The following GPR149 variants were observed in gnomAD, a reference collection of about 807,000 sequenced individuals.
GPR149 encodes probable G protein-coupled receptor 149.
In GPR149, 50 loss-of-function variants were observed where a neutral mutation model predicts 50.2. That is an observed-to-expected ratio of 1.00 (90% CI 0.79 to 1.26). The LOEUF (loss-of-function observed/expected upper bound fraction) is 1.26. Ranked by LOEUF, GPR149 falls within the 50% of genes most tolerant of loss-of-function variation. The pLI, the probability that GPR149 is intolerant of heterozygous loss-of-function variation, is 0.00. For synonymous variants in GPR149, 405 were observed against 358.2 expected (o/e 1.13, Z -1.48); for missense variants, 983 against 895.4 (o/e 1.10, Z -1.25).
chr3:154,356,868 C>T (rs1050182553), intron 3 of GPR149, among the ~76,000 whole-genome samples: 20 of 152,096 alleles, frequency 1.3e-4, no homozygotes, highest in South Asian at 6.2e-4. Context: ...GGGCCCGCAT[C>T]GCCAAGTCAA....
intron 3 of GPR149, among the ~76,000 whole-genome samples, chr3:154,400,897 A>G (rs1325698191): frequency 6.6e-6 from 1 of 152,246 alleles, no homozygotes; most frequent in Non-Finnish European, 1.5e-5. Flanking sequence ...AACAAAGGAT[A>G]TTAAATATCA....
At chr3:154,390,168 C>T (rs916861108) in intron 3 of GPR149, among the ~76,000 whole-genome samples, 4 of 151,904 alleles carry the variant, frequency 2.6e-5, no homozygotes, top group African/African-American at 7.3e-5. Context: ...ACTGGGAGTG[C>T]GGACATAAAC....
Position 154,378,919 on chromosome 3 carries a change from A to T in GPR149, c.1624-40648T>A, listed in dbSNP as rs1009473644. On this transcript the variant is annotated intron_variant, in intron 3 of 3. Coordinates refer to ENST00000389740, the MANE Select transcript of GPR149 (RefSeq NM_001038705.3). ...GGCTAAATTAGGTTGTCTGGTTTGT[A>T]AGAGTTCTTTATATATTCTGGATAT... 5.3e-5 allele frequency among the ~76,000 whole-genome samples: 8 copies of T among 152,156 alleles called. No individual in the cohort carries two copies. The East Asian group carries it at 1.5e-3, about 29-fold the overall frequency.
intron 3 of GPR149, among the ~76,000 whole-genome samples, chr3:154,418,001 G>A (rs540368003): frequency 5.8e-4 from 88 of 151,082 alleles, no homozygotes; most frequent in African/African-American, 1.8e-3. Context: ...AAAAGTGGGC[G>A]AAGGACATGA....
chr3:154,402,304 A>G (rs900513189), intron 3 of GPR149, among the ~76,000 whole-genome samples: 3 of 151,888 alleles, frequency 2.0e-5, no homozygotes, highest in Non-Finnish European at 4.4e-5. Context: ...TGTAATCTCA[A>G]TACTTACGAG....
intron 3 of GPR149, among the ~76,000 whole-genome samples, chr3:154,398,259 C>T (rs952863026): frequency 6.6e-6 from 1 of 152,278 alleles, no homozygotes; most frequent in South Asian, 2.1e-4. Context: ...TTGTTACACA[C>T]TGCTAAGTAC....
At chr3:154,343,004 T>G (rs551816573) in intron 3 of GPR149, among the ~76,000 whole-genome samples, 18 of 152,352 alleles carry the variant, frequency 1.2e-4, no homozygotes, top group Middle Eastern at 3.4e-3. Context: ...GAAAATAGTT[T>G]AATAAATTGT....
chr3:154,348,004 G>A (rs926916251), intron 3 of GPR149, among the ~76,000 whole-genome samples: 1 of 152,192 alleles, frequency 6.6e-6, no homozygotes, highest in African/African-American at 2.4e-5. Flanking sequence ...CCTTACTTCT[G>A]TAAGCCTCAG....
intron 3 of GPR149, among the ~76,000 whole-genome samples, chr3:154,358,660 A>G (rs1244950036): frequency 6.6e-6 from 1 of 152,318 alleles, no homozygotes; most frequent in East Asian, 1.9e-4. Flanking sequence ...AAGAAAGCAG[A>G]TTATAAACCC....
intron 3 of GPR149, among the ~76,000 whole-genome samples, chr3:154,341,699 A>G (rs540059295): frequency 6.6e-6 from 1 of 152,264 alleles, no homozygotes; most frequent in Non-Finnish European, 1.5e-5. Flanking sequence ...TAAAAGTTCC[A>G]CTGAAATTTT....
chr3:154,351,079 G>A (rs960359214), intron 3 of GPR149, among the ~76,000 whole-genome samples: 3 of 151,972 alleles, frequency 2.0e-5, no homozygotes, highest in Admixed American at 6.6e-5. Context: ...GATACAGAGA[G>A]TTGACTGTAT....
chr3:154,421,132 C>A lies in GPR149; in HGVS notation c.1530G>T (p.Gly510=). Residue 510 remains glycine (G), a synonymous_variant, in exon 3 of 4, where the codon GGG becomes GGT. Transcript: ENST00000389740. The part of the protein sequence containing the change: ...INYEETTFSE[G]PERRLSHEES... ...CTTCATGAGACAGTCTTCTTTCTGG[C>A]CCTTCAGAAAAGGTAGTTTCTTCAT... The A allele has an allele frequency of 6.2e-7, 1 of 1,613,306 alleles. No homozygotes were observed. The highest frequency in any genetic ancestry group is 1.1e-5 in the South Asian group (1 of 91,064).
At chr3:154,360,852 G>A (rs915984718) in intron 3 of GPR149, among the ~76,000 whole-genome samples, 1 of 151,914 alleles carries the variant, frequency 6.6e-6, no homozygotes, top group African/African-American at 2.4e-5. Flanking sequence ...CAAATAATGA[G>A]CATAAGCTAT....
intron 3 of GPR149, chr3:154,352,034 G>A: frequency 2.7e-6 from 1 of 374,720 alleles, no homozygotes; most frequent in Non-Finnish European, 4.8e-6. Context: ...TGTGCAAATA[G>A]CAGACACATA....
intron 3 of GPR149, among the ~76,000 whole-genome samples, chr3:154,346,540 C>T (rs1328921472): frequency 6.6e-6 from 1 of 151,756 alleles, no homozygotes; most frequent in Non-Finnish European, 1.5e-5. Context: ...AATTTTAACA[C>T]ATTTCACATT....
chr3:154,366,433 T>C (rs891066798), intron 3 of GPR149, among the ~76,000 whole-genome samples: 7 of 152,236 alleles, frequency 4.6e-5, no homozygotes, highest in African/African-American at 1.7e-4. Context: ...GGGGGAAATT[T>C]GCATCTGTAG....
intron 3 of GPR149, among the ~76,000 whole-genome samples, chr3:154,379,630 G>A (rs140954282): frequency 2.0e-3 from 311 of 152,064 alleles, no homozygotes; most frequent in African/African-American, 7.2e-3. Flanking sequence ...ATGAGGAAAG[G>A]GCCTAAGTTT....
At chr3:154,419,102 A>G (rs1220570138) in intron 3 of GPR149, among the ~76,000 whole-genome samples, 5 of 152,098 alleles carry the variant, frequency 3.3e-5, no homozygotes, top group Non-Finnish European at 5.9e-5. Flanking sequence ...ATTATTTTTC[A>G]TAGCGACCAT....
intron 3 of GPR149, among the ~76,000 whole-genome samples, chr3:154,398,704 A>G (rs1182842404): frequency 1.3e-5 from 2 of 152,158 alleles, no homozygotes; most frequent in African/African-American, 4.8e-5. Context: ...CTATTTCCAT[A>G]TGTGCTCTTG....
Sources: allele counts gnomAD v4.1 joint callset (sites outside exome capture counted in the v4.1 genomes callset), GRCh38; gene constraint gnomAD v4.1.1; transcripts MANE v1.5; gene names NCBI Gene and HGNC (gene_info 2026-07-23, HGNC 2026-07-21).